Variants in WDR88 observed in about 807,000 individuals in gnomAD.
WDR88 encodes WD repeat-containing protein 88.
In WDR88, 40 loss-of-function variants were observed where a neutral mutation model predicts 46.8. The observed-to-expected ratio is 0.86, with a 90% CI of 0.66 to 1.11. The LOEUF is 1.11. Ranked by LOEUF, WDR88 falls within the 50% of genes most tolerant of loss-of-function variation. WDR88 has a pLI of 0.00. For missense variants in WDR88, 562 were observed against 602.4 expected (o/e 0.93, Z 0.70); for synonymous variants, 235 against 240.7 (o/e 0.98, Z 0.22).
intron 9 of WDR88, among the ~76,000 whole-genome samples, chr19:33,165,664 G>A (rs1289746973): frequency 2.6e-5 from 4 of 151,560 alleles, no homozygotes; most frequent in Admixed American, 6.6e-5. Flanking sequence ...AGGCCGAGGC[G>A]GGTGGATCAC....
chr19:33,162,556 C>T (rs1312649817), intron 8 of WDR88, among the ~76,000 whole-genome samples: 1 of 152,038 alleles, frequency 6.6e-6, no homozygotes, highest in Non-Finnish European at 1.5e-5. Flanking sequence ...CCCACTCCTT[C>T]TCTGCTTAAG....
chr19:33,160,027 C>A (rs1010231877), intron 7 of WDR88, among the ~76,000 whole-genome samples: 3 of 152,006 alleles, frequency 2.0e-5, no homozygotes, highest in Non-Finnish European at 4.4e-5. Flanking sequence ...TTCATGCTCC[C>A]GTGAGAATCG....
At position 33,132,237 on chromosome 19, in the gene WDR88, C is replaced by G; in HGVS notation, c.68C>G (p.Ala23Gly). 1 of 1,611,430 alleles carries G rather than the reference C, an allele frequency of 6.2e-7. No homozygotes were observed. Among genetic ancestry groups the G allele is most frequent in the South Asian group, 1.1e-5 (1 of 91,084 alleles). Residue 23 changes from alanine (A) to glycine (G), a missense_variant, in exon 1 of 11, where the codon GCC becomes GGC. Physicochemically the swap from Ala to Gly is moderately conservative, Grantham distance 60. Coordinates refer to ENST00000355868, the MANE Select transcript of WDR88 (RefSeq NM_173479.4). ...GAATGCAAGTTGCCGCCACCCTCCGCCCCCGCCAGCGAGTATTGTCCCGGC... is the reference window on the plus strand; with the variant it reads ...GAATGCAAGTTGCCGCCACCCTCCGGCCCCGCCAGCGAGTATTGTCCCGGC... ...DRECKLPPPS[A>G]PASEYCPGKL...
At chr19:33,152,636 A>G (rs889340902) in intron 6 of WDR88, among the ~76,000 whole-genome samples, 5 of 151,872 alleles carry the variant, frequency 3.3e-5, no homozygotes, top group Non-Finnish European at 7.4e-5. Context: ...TAGTCTCGCT[A>G]TGTCCCCCAG....
intron 8 of WDR88, among the ~76,000 whole-genome samples, chr19:33,161,416 C>CA (rs1173854343): frequency 1.3e-5 from 2 of 152,134 alleles, no homozygotes; most frequent in African/African-American, 2.4e-5. Flanking sequence ...AGGGGCCCCA[C>CA]ACCCCAGGAT....
chr19:33,145,004 A>G, intron 3 of WDR88, 72 bp downstream of exon 3: 1 of 1,433,556 alleles, frequency 7.0e-7, no homozygotes, highest in Non-Finnish European at 9.7e-7. Context: ...TATGCCTGTG[A>G]CATTTTTGTT....
At chr19:33,171,039 G>A (rs1974030725) in intron 9 of WDR88, among the ~76,000 whole-genome samples, 1 of 152,128 alleles carries the variant, frequency 6.6e-6, no homozygotes, top group Non-Finnish European at 1.5e-5. Context: ...AGGCTGGAGT[G>A]CAATGGTGCG....
chr19:33,171,200 G>A (rs1315581680), intron 9 of WDR88, among the ~76,000 whole-genome samples: 1 of 152,142 alleles, frequency 6.6e-6, no homozygotes, highest in Non-Finnish European at 1.5e-5. Context: ...TGGCCAGGCT[G>A]GTCTCAAACT....
At chr19:33,163,931 G>A (rs1973912243) in intron 8 of WDR88, among the ~76,000 whole-genome samples, 2 of 151,902 alleles carry the variant, frequency 1.3e-5, no homozygotes, top group East Asian at 1.9e-4. Context: ...ACTGCACTCA[G>A]CCAGCTACTC....
In WDR88 at chr19:33,172,350, T is replaced by C. The variant is rs762651937; in HGVS notation, c.1152T>C (p.Asp384=). ...CGCTGGTTTGCTATTTGTTTTAGGA[T>C]AGGACCATGAGACTGTGGAATATTG... is the stretch of plus-strand genomic sequence containing the variant. ...NKKWILSASK[D]RTMRLWNIEE... Residue 384 remains aspartate (D), a splice_region_variant and synonymous_variant, in exon 10 of 11, where the codon GAT becomes GAC. Transcript: ENST00000355868. 5.0e-6 allele frequency: 8 copies of C among 1,613,220 alleles called. No individual in the cohort carries two copies. Among genetic ancestry groups the C allele is most frequent in the Non-Finnish European group, 6.8e-6 (8 of 1,179,608 alleles).
Position 33,141,227 on chromosome 19 carries a change from G to GT in WDR88, c.387+3453dup, listed in dbSNP as rs745987290. On this transcript the variant is annotated intron_variant, in intron 2 of 10. Transcript: ENST00000355868. Reference sequence around the variant, plus strand: ...GCTGGGATTACAGGTGTGGGAGCATGTTTTTTTTTTTTTCTTTTTTGACAC... The same window carrying GT: ...GCTGGGATTACAGGTGTGGGAGCATGTTTTTTTTTTTTTTCTTTTTTGACAC... 3.1e-3 allele frequency among the ~76,000 whole-genome samples: 347 copies of GT among 113,270 alleles called. 25 individuals carry two copies. The highest frequency in any genetic ancestry group is 8.5e-3 in the African/African-American group (209 of 24,458). 74.3% of individuals were successfully genotyped at this position (113,270 alleles called of 152,430 possible). A position where few individuals can be genotyped will look rare whatever the true frequency, so the allele number is the denominator to read the frequency against.
At chr19:33,165,544 G>A (rs1207740492) in intron 9 of WDR88, among the ~76,000 whole-genome samples, 3 of 152,152 alleles carry the variant, frequency 2.0e-5, no homozygotes, top group South Asian at 2.1e-4. Flanking sequence ...AGTGAACAGC[G>A]ACAATTAGTA....
intron 2 of WDR88, 22 bp from the exon 3 acceptor site, chr19:33,144,822 C>T (rs1161032862): frequency 6.2e-7 from 1 of 1,609,606 alleles, no homozygotes; most frequent in East Asian, 2.2e-5. Context: ...CTCTCTTCTC[C>T]TCTCTCTCCC....
rs1401992057 is a variant in WDR88 at position 33,145,001 on chromosome 19, G to A, written c.476+69G>A. 7 of 1,450,054 alleles carry A rather than the reference G, an allele frequency of 4.8e-6. No homozygotes were observed. The African/African-American group carries it at 7.0e-5, about 15-fold the overall frequency. 89.8% of individuals were successfully genotyped at this position (1,450,054 alleles called of 1,614,324 possible). A position where few individuals can be genotyped will look rare whatever the true frequency, so the allele number is the denominator to read the frequency against. ...AGGCATGCCATAAATAGGTATGCCT[G>A]TGACATTTTTGTTTTTGTTTTAAGT... is the stretch of plus-strand genomic sequence containing the variant. On this transcript the variant is annotated intron_variant, in intron 3 of 10. Coordinates refer to ENST00000355868, the MANE Select transcript of WDR88 (RefSeq NM_173479.4).
intron 2 of WDR88, among the ~76,000 whole-genome samples, chr19:33,139,964 C>T (rs551907968): frequency 6.6e-6 from 1 of 152,244 alleles, no homozygotes; most frequent in East Asian, 1.9e-4. Context: ...CTGGGTCTGC[C>T]CATGCTGCAC....
At chr19:33,159,443 A>G (rs1006460684) in intron 7 of WDR88, among the ~76,000 whole-genome samples, 1 of 152,180 alleles carries the variant, frequency 6.6e-6, no homozygotes, top group East Asian at 1.9e-4. Context: ...CCTAAGCGCG[A>G]GAGTGCTATG....
At chr19:33,167,361 C>T (rs1247928734) in intron 9 of WDR88, among the ~76,000 whole-genome samples, 1 of 151,850 alleles carries the variant, frequency 6.6e-6, no homozygotes, top group African/African-American at 2.4e-5. Flanking sequence ...AATTCAAAAC[C>T]CTTTCATTAT....
rs927054322 is a variant in WDR88, at chr19:33,160,552, G to A, written c.1080+56G>A. On this transcript the variant is annotated intron_variant, in intron 8 of 10. Transcript: ENST00000355868. ...TGAACTTCCCTCCCGAGTCCTTCCT[G>A]TGCTCAATGCTGGTTGCTGGGGACA... 2.5e-6 allele frequency: 4 copies of A among 1,581,456 alleles called. No individual in the cohort carries two copies. The African/African-American group carries it at 4.0e-5, about 16-fold the overall frequency.
chr19:33,157,679 GTATGTATGTATATATATATATATATA>G lies in WDR88; in HGVS notation c.997+1141_997+1166del, dbSNP rs1169414197. On this transcript the variant is annotated intron_variant, in intron 7 of 10. Coordinates refer to ENST00000355868, the MANE Select transcript of WDR88 (RefSeq NM_173479.4). ...TATATATGTATGTATGTGTGTGTGT[GTATGTATGTATATATATATATATATA>G]TATATATATATATATATATATATAT... 2.5e-3 allele frequency among the ~76,000 whole-genome samples: 235 copies of G among 94,178 alleles called. 17 individuals are homozygous for G. Among genetic ancestry groups the G allele is most frequent in the Middle Eastern group, 5.4e-3 (1 of 186 alleles). The allele number at this position is 94,178 out of a possible 152,430, so 61.8% of individuals were successfully genotyped here.
Sources: allele counts gnomAD v4.1 joint callset (sites outside exome capture counted in the v4.1 genomes callset), GRCh38; gene constraint gnomAD v4.1.1; transcripts MANE v1.5; gene names NCBI Gene and HGNC (gene_info 2026-07-23, HGNC 2026-07-21).